The following IKZF3 variants were observed in gnomAD, a reference collection of about 807,000 sequenced individuals.
The protein encoded by IKZF3 is zinc finger protein Aiolos.
A neutral mutation model predicts 49.0 loss-of-function variants in IKZF3; 10 were observed. That is an observed-to-expected ratio of 0.20 (90% CI 0.13 to 0.35). The LOEUF (loss-of-function observed/expected upper bound fraction) is 0.35. Among genes scored for constraint, IKZF3 ranks in the 10% least tolerant of loss-of-function variants. The probability of loss-of-function intolerance (pLI) is 1.00; values close to 1 mark genes in which losing one functional copy is unlikely to be tolerated. For missense variants in IKZF3, 498 were observed against 664.8 expected (o/e 0.75, Z 2.76); for synonymous variants, 209 against 228.2 (o/e 0.92, Z 0.76).
chr17:39,815,785 G>C (rs2061666119), intron 3 of IKZF3, among the ~76,000 whole-genome samples: 2 of 152,188 alleles, frequency 1.3e-5, no homozygotes, highest in African/African-American at 2.4e-5. Flanking sequence ...TCATAAGAGT[G>C]AATGAGCAGG....
rs935065033 is a variant in IKZF3 at position 39,837,908 on chromosome 17, C to T, written c.8-5757G>A. Among the ~76,000 whole-genome samples, 6 of 152,074 alleles carry T rather than the reference C, an allele frequency of 3.9e-5. No individual in the cohort carries two copies. In the East Asian group the frequency reaches 7.7e-4, roughly 20 times the overall value. ...CTGCCTGCCTCAGCCTCCCAAAGTG[C>T]TGGGATTACAGGCGTGAGCCACCAC... On this transcript the variant is annotated intron_variant, in intron 1 of 7. Transcript: ENST00000346872.
intron 6 of IKZF3, among the ~76,000 whole-genome samples, chr17:39,783,375 G>C (rs1427544828): frequency 6.6e-6 from 1 of 152,176 alleles, no homozygotes; most frequent in Non-Finnish European, 1.5e-5. Flanking sequence ...AGGCTGGAGT[G>C]CAGTGGCATG....
At chr17:39,799,681 A>G (rs1039129883) in intron 3 of IKZF3, among the ~76,000 whole-genome samples, 3 of 152,228 alleles carry the variant, frequency 2.0e-5, no homozygotes, top group African/African-American at 7.2e-5. Context: ...TCTGAGAAGC[A>G]CAGCAGCAAC....
At chr17:39,835,819 T>C in intron 1 of IKZF3, 1 of 539,644 alleles carries the variant, frequency 1.9e-6, no homozygotes, top group Admixed American at 2.1e-5. Flanking sequence ...ACATCCTTCT[T>C]GATGAGGACA....
intron 1 of IKZF3, among the ~76,000 whole-genome samples, chr17:39,849,227 A>C (rs1439988927): frequency 1.3e-5 from 2 of 151,152 alleles, no homozygotes; most frequent in East Asian, 3.9e-4. Context: ...TGAGGTCAGG[A>C]GTTTGAGACC....
intron 1 of IKZF3, among the ~76,000 whole-genome samples, chr17:39,850,813 TAC>T (rs1275397068): frequency 7.7e-6 from 1 of 129,114 alleles, no homozygotes; most frequent in Non-Finnish European, 1.5e-5. Flanking sequence ...ATAGTATATA[TAC>T]ATATATAATA....
rs151175201 is a variant in IKZF3, at chr17:39,813,387, G to A, written c.163+16000C>T. Among the ~76,000 whole-genome samples the A allele has an allele frequency of 7.2e-4, 109 of 152,058 alleles. 3 individuals are homozygous for A. The East Asian group carries it at 0.021, about 29-fold the overall frequency. ...GGGCCAGGCACAGTGGCTCACACCT[G>A]TAATCCCAGCACTTTGGGAAGCCAA... On this transcript the variant is annotated intron_variant, in intron 3 of 7. Coordinates refer to ENST00000346872, the MANE Select transcript of IKZF3 (RefSeq NM_012481.5).
Position 39,760,769 on chromosome 17 carries a change from A to T in IKZF3, c.*5021T>A, listed in dbSNP as rs567213529. On this transcript the variant is annotated 3_prime_UTR_variant, in exon 8 of 8. Coordinates refer to ENST00000346872, the MANE Select transcript of IKZF3 (RefSeq NM_012481.5). ...TCACGAAACAAAGCCGAAAAGAAAAACTTTATGTGGATGTGAGATTTGATA... is the reference window on the plus strand; with the variant it reads ...TCACGAAACAAAGCCGAAAAGAAAATCTTTATGTGGATGTGAGATTTGATA... The T allele has an allele frequency of 6.6e-6, 1 of 152,320 alleles. No homozygotes were observed. The highest frequency in any genetic ancestry group is 2.1e-4 in the South Asian group (1 of 4,822). 9.4% of individuals were successfully genotyped at this position (152,320 alleles called of 1,614,324 possible).
intron 1 of IKZF3, among the ~76,000 whole-genome samples, chr17:39,844,094 C>G (rs1266605571): frequency 6.6e-6 from 1 of 152,142 alleles, no homozygotes; most frequent in Non-Finnish European, 1.5e-5. Context: ...TTCAGTCCCC[C>G]CTAACAAATC....
chr17:39,863,368 A>G (rs891466100), intron 1 of IKZF3, among the ~76,000 whole-genome samples: 1 of 152,164 alleles, frequency 6.6e-6, no homozygotes, highest in Non-Finnish European at 1.5e-5. Context: ...AGGTGTCAAT[A>G]TCTCATTTTT....
intron 3 of IKZF3, among the ~76,000 whole-genome samples, chr17:39,814,823 T>G (rs569296026): frequency 6.6e-6 from 1 of 152,168 alleles, no homozygotes; most frequent in Non-Finnish European, 1.5e-5. Flanking sequence ...AGTAAAAAAT[T>G]TCTGTTGCTT....
intron 7 of IKZF3, among the ~76,000 whole-genome samples, chr17:39,771,092 A>G (rs1165436578): frequency 6.6e-6 from 1 of 152,202 alleles, no homozygotes; most frequent in African/African-American, 2.4e-5. Context: ...CCAGGATGTA[A>G]TCCAAGAGCC....
At chr17:39,787,929 G>A (rs1380057414) in intron 6 of IKZF3, among the ~76,000 whole-genome samples, 2 of 152,160 alleles carry the variant, frequency 1.3e-5, no homozygotes, top group Non-Finnish European at 2.9e-5. Context: ...ACAGAACTAC[G>A]TACACTTCTT....
intron 1 of IKZF3, among the ~76,000 whole-genome samples, chr17:39,855,136 T>C (rs1364382285): frequency 6.6e-6 from 1 of 152,188 alleles, no homozygotes; most frequent in Non-Finnish European, 1.5e-5. Context: ...AAGAGGAAGA[T>C]AGGCTTAGCA....
intron 1 of IKZF3, among the ~76,000 whole-genome samples, chr17:39,842,645 T>C (rs1404908456): frequency 6.6e-6 from 1 of 152,158 alleles, no homozygotes; most frequent in Non-Finnish European, 1.5e-5. Context: ...ACATTCTGAG[T>C]ACATTATTCA....
intron 3 of IKZF3, among the ~76,000 whole-genome samples, chr17:39,803,938 A>G (rs962147206): frequency 2.0e-5 from 3 of 152,196 alleles, no homozygotes; most frequent in African/African-American, 7.2e-5. Flanking sequence ...TCACAATACC[A>G]AACTCAGGGT....
chr17:39,859,255 TAATA>T (rs1247212903), intron 1 of IKZF3, among the ~76,000 whole-genome samples: 3 of 151,918 alleles, frequency 2.0e-5, no homozygotes, highest in East Asian at 1.9e-4. Context: ...TAATATTAAT[TAATA>T]AAGTTATACA....
At chr17:39,818,432 T>G (rs532834948) in intron 3 of IKZF3, among the ~76,000 whole-genome samples, 4 of 152,380 alleles carry the variant, frequency 2.6e-5, no homozygotes, top group Middle Eastern at 3.4e-3. Flanking sequence ...TTTATTGTAC[T>G]GAACTCACCT....
intron 3 of IKZF3, among the ~76,000 whole-genome samples, chr17:39,815,570 C>T (rs141457921): frequency 6.6e-6 from 1 of 152,306 alleles, no homozygotes; most frequent in African/African-American, 2.4e-5. Context: ...TTGCTTTTGA[C>T]ATCACAGTAT....
Sources: gnomAD v4.1 joint callset for allele counts (sites outside exome capture counted in the v4.1 genomes callset) on GRCh38, gnomAD v4.1.1 for gene constraint, MANE v1.5 for transcripts, NCBI Gene and HGNC (gene_info 2026-07-23, HGNC 2026-07-21) for gene names.